Variants in MEIKIN observed in about 807,000 individuals in gnomAD.
MEIKIN encodes meiosis-specific kinetochore protein.
chr5:131,845,272 T>TAAAAAAAAA lies in MEIKIN; in HGVS notation c.975+5983_975+5991dup, dbSNP rs1158220526. On this transcript the variant is annotated intron_variant, in intron 11 of 12. Transcript: ENST00000442687. ...GTGACAGAGCGAGAAGACTTCGTCT[T>TAAAAAAAAA]AAAAAAAAAAAAAAAAAAAAAAAAA... Among the ~76,000 whole-genome samples the TAAAAAAAAA allele has an allele frequency of 7.6e-3, 346 of 45,340 alleles. 49 individuals carry two copies. Among genetic ancestry groups the TAAAAAAAAA allele is most frequent in the African/African-American group, 0.042 (299 of 7,148 alleles). 29.7% of individuals were successfully genotyped at this position (45,340 alleles called of 152,430 possible).
intron 9 of MEIKIN, among the ~76,000 whole-genome samples, chr5:131,871,929 C>T (rs930324862): frequency 6.6e-6 from 1 of 152,190 alleles, no homozygotes; most frequent in Admixed American, 6.5e-5. Context: ...AGACCTGCAG[C>T]TGAGGGTCCT....
intron 9 of MEIKIN, among the ~76,000 whole-genome samples, chr5:131,871,083 G>C (rs1750483954): frequency 6.6e-6 from 1 of 152,240 alleles, no homozygotes; most frequent in Admixed American, 6.5e-5. Context: ...CGACGCAGAA[G>C]ACGGGTGATT....
At chr5:131,855,292 G>T (rs1407717066) in intron 9 of MEIKIN, among the ~76,000 whole-genome samples, 1 of 152,058 alleles carries the variant, frequency 6.6e-6, no homozygotes, top group Admixed American at 6.6e-5. Context: ...AAGGATAATT[G>T]GTTTAAAATA....
At chr5:131,932,093 TCAG>T (rs1278016417) in intron 5 of MEIKIN, among the ~76,000 whole-genome samples, 1 of 152,132 alleles carries the variant, frequency 6.6e-6, no homozygotes, top group Non-Finnish European at 1.5e-5. Context: ...TTCCATTTTC[TCAG>T]CAGAAGGTTC....
chr5:131,933,457 G>A, intron 5 of MEIKIN, 56 bp downstream of exon 5: 1 of 393,816 alleles, frequency 2.5e-6, no homozygotes, highest in Non-Finnish European at 4.5e-6. Context: ...GAGGATTTGT[G>A]GACAAAAGAA....
At position 131,945,626 on chromosome 5, in the gene MEIKIN, A is replaced by C. The variant is rs1751952752; in HGVS notation, c.-121T>G. On this transcript the variant is annotated 5_prime_UTR_variant, in exon 1 of 13. Coordinates refer to ENST00000442687, the MANE Select transcript of MEIKIN (RefSeq NM_001303622.2). ...CAGGCGAGGCCCGCGGAGCAGCCTC[A>C]CAGCAACTAATCGAGCGAAAGCAAA... The C allele has an allele frequency of 5.0e-6, 2 of 397,370 alleles. No individual in the cohort carries two copies. The highest frequency in any genetic ancestry group is 4.4e-5 in the Admixed American group (1 of 22,658). 24.6% of individuals were successfully genotyped at this position (397,370 alleles called of 1,614,324 possible). A position where few individuals can be genotyped will look rare whatever the true frequency, so the allele number is the denominator to read the frequency against.
chr5:131,816,614 G>A (rs924349601), intron 12 of MEIKIN, among the ~76,000 whole-genome samples: 2 of 152,084 alleles, frequency 1.3e-5, no homozygotes, highest in South Asian at 2.1e-4. Context: ...ATTTGCATAC[G>A]TTAGGCCTTA....
intron 11 of MEIKIN, among the ~76,000 whole-genome samples, chr5:131,840,952 G>A (rs1749895072): frequency 1.3e-5 from 2 of 152,142 alleles, no homozygotes; most frequent in East Asian, 1.9e-4. Context: ...GTTTTCATGC[G>A]CTGGTTCTTT....
intron 9 of MEIKIN, among the ~76,000 whole-genome samples, chr5:131,857,616 C>A (rs1438010707): frequency 2.0e-5 from 3 of 152,190 alleles, no homozygotes; most frequent in Non-Finnish European, 4.4e-5. Context: ...CCTTCACTAG[C>A]AGACCATGCC....
chr5:131,898,182 A>G (rs935485055), intron 8 of MEIKIN, among the ~76,000 whole-genome samples: 3 of 152,114 alleles, frequency 2.0e-5, no homozygotes, highest in African/African-American at 7.2e-5. Flanking sequence ...GGTCTGCTGG[A>G]GTTTGCTGGA....
chr5:131,926,031 T>C (rs768372043), intron 5 of MEIKIN, among the ~76,000 whole-genome samples: 1 of 152,204 alleles, frequency 6.6e-6, no homozygotes, highest in Non-Finnish European at 1.5e-5. Context: ...ATTATTTTAC[T>C]TCTTTTCAAT....
chr5:131,870,621 C>T (rs1399790202), intron 9 of MEIKIN, among the ~76,000 whole-genome samples: 1 of 152,226 alleles, frequency 6.6e-6, no homozygotes, highest in Non-Finnish European at 1.5e-5. Flanking sequence ...TTTCCTATCA[C>T]ACTAAATAGC....
At chr5:131,920,065 G>A (rs1751479101) in intron 6 of MEIKIN, among the ~76,000 whole-genome samples, 1 of 152,126 alleles carries the variant, frequency 6.6e-6, no homozygotes, top group Non-Finnish European at 1.5e-5. Context: ...ATGCTGTAAT[G>A]CTAAAGACAA....
intron 8 of MEIKIN, 64 bp from the exon 9 acceptor site, chr5:131,879,112 G>C: frequency 5.0e-6 from 2 of 397,004 alleles, no homozygotes; most frequent in Non-Finnish European, 4.4e-6. Flanking sequence ...TGAGTCCAAA[G>C]GACAAGAGAA....
At chr5:131,891,675 C>A (rs1217222675) in intron 8 of MEIKIN, among the ~76,000 whole-genome samples, 1 of 152,112 alleles carries the variant, frequency 6.6e-6, no homozygotes, top group Non-Finnish European at 1.5e-5. Context: ...ATCCAATTTG[C>A]CAGTCTGTGT....
At chr5:131,867,978 T>C (rs1750415932) in intron 9 of MEIKIN, among the ~76,000 whole-genome samples, 1 of 152,250 alleles carries the variant, frequency 6.6e-6, no homozygotes, top group Admixed American at 6.5e-5. Flanking sequence ...CATTTTGCAT[T>C]CTCAGCAGCA....
At chr5:131,842,885 C>T (rs1212572932) in intron 11 of MEIKIN, among the ~76,000 whole-genome samples, 1 of 152,180 alleles carries the variant, frequency 6.6e-6, no homozygotes, top group African/African-American at 2.4e-5. Context: ...TCCACACTGC[C>T]CTAGTAGAGG....
chr5:131,939,738 A>G (rs1327243532), intron 4 of MEIKIN, among the ~76,000 whole-genome samples: 1 of 152,176 alleles, frequency 6.6e-6, no homozygotes, highest in African/African-American at 2.4e-5. Context: ...TCAAATATCA[A>G]TCAGCAAATG....
At chr5:131,871,078 C>A (rs189483922) in intron 9 of MEIKIN, among the ~76,000 whole-genome samples, 9 of 152,330 alleles carry the variant, frequency 5.9e-5, no homozygotes, top group African/African-American at 1.9e-4. Context: ...ATGAGCGACG[C>A]AGAAGACGGG....
Sources: allele counts gnomAD v4.1 joint callset (sites outside exome capture counted in the v4.1 genomes callset), GRCh38; gene constraint gnomAD v4.1.1; transcripts MANE v1.5; gene names NCBI Gene and HGNC (gene_info 2026-07-23, HGNC 2026-07-21).